PARK7: variants seen among roughly 807,000 people sequenced by gnomAD.
The protein encoded by PARK7 is Parkinson disease protein 7.
PARK7 carries 14 observed loss-of-function variants against 20.5 expected under a neutral mutation model. The observed-to-expected ratio is 0.68, with a 90% CI of 0.45 to 1.07. PARK7 has a LOEUF of 1.07. PARK7 is among the 50% of genes least tolerant of loss of function. The pLI is 0.00. For missense variants in PARK7, 234 were observed against 238.1 expected (o/e 0.98, Z 0.11); for synonymous variants, 98 against 84.3 (o/e 1.16, Z -0.89).
chr1:7,979,444 C>G (rs1640664943), intron 6 of PARK7, among the ~76,000 whole-genome samples: 1 of 152,112 alleles, frequency 6.6e-6, no homozygotes, highest in African/African-American at 2.4e-5. Flanking sequence ...GTTGTACATT[C>G]TACATACAGT....
chr1:7,977,105 G>A (rs1254106552), intron 5 of PARK7, among the ~76,000 whole-genome samples: 1 of 152,194 alleles, frequency 6.6e-6, no homozygotes, highest in Non-Finnish European at 1.5e-5. Context: ...CCTTTAGCAT[G>A]TAACTAAATC....
chr1:7,970,542 T>C (rs1334238255), intron 4 of PARK7, among the ~76,000 whole-genome samples: 1 of 152,188 alleles, frequency 6.6e-6, no homozygotes, highest in Non-Finnish European at 1.5e-5. Context: ...ACAAGGGATC[T>C]TTTCCTGCTA....
chr1:7,970,951 G>T lies in PARK7; in HGVS notation c.310G>T (p.Ala104Ser), dbSNP rs774005786. The T allele has an allele frequency of 8.7e-6, 14 of 1,614,066 alleles. 1 individual carries two copies. In the Admixed American group the frequency reaches 2.0e-4, roughly 23 times the overall value. Residue 104 changes from alanine (A) to serine (S), a missense_variant, in exon 5 of 7, where the codon GCC becomes TCC. Transcript: ENST00000338639. ...GGAAAACCGGAAGGGCCTGATAGCCGCCATCTGTGCAGGTGACGTGCAGGG... is the reference window on the plus strand; with the variant it reads ...GGAAAACCGGAAGGGCCTGATAGCCTCCATCTGTGCAGGTGACGTGCAGGG... ...EQENRKGLIA[A>S]ICAGPTALLA...
rs1298859582 is a variant in PARK7 at position 7,984,982 on chromosome 1, T to C, written c.498T>C (p.Leu166=). 5 of 1,614,202 alleles carry C rather than the reference T, an allele frequency of 3.1e-6. No individual in the cohort carries two copies. The East Asian group carries it at 8.9e-5, about 29-fold the overall frequency. The change falls in exon 7 of 7, where the codon CTT becomes CTC. Residue 166 remains leucine, a synonymous_variant. Coordinates refer to ENST00000338639, the MANE Select transcript of PARK7 (RefSeq NM_007262.5). This position sits in a 1 kb window ranked among gnomAD's most constrained non-coding sequence, Gnocchi z 4.3. The stretch of plus-strand genomic sequence containing the variant: ...CTGGGACCAGCTTCGAGTTTGCGCT[T>C]GCAATTGTTGAAGCCCTGAATGGCA... ...RGPGTSFEFA[L]AIVEALNGKE...
chr1:7,966,617 G>C (rs1640335887), intron 3 of PARK7, among the ~76,000 whole-genome samples: 1 of 152,150 alleles, frequency 6.6e-6, no homozygotes, highest in Admixed American at 6.5e-5. Flanking sequence ...AGGATCACTT[G>C]AGCCTAGACG....
chr1:7,984,709 C>T lies in PARK7; in HGVS notation c.410-185C>T, dbSNP rs983909454. Among the ~76,000 whole-genome samples the T allele has an allele frequency of 6.6e-6, 1 of 152,216 alleles. No homozygotes were observed. The highest frequency in any genetic ancestry group is 1.5e-5 in the Non-Finnish European group (1 of 68,032). On this transcript the variant is annotated intron_variant, in intron 6 of 6. Coordinates refer to ENST00000338639, the MANE Select transcript of PARK7 (RefSeq NM_007262.5). This position sits in a 1 kb window ranked among gnomAD's most constrained non-coding sequence, Gnocchi z 4.3. ...ACAGTGGTTTCTGTCACCCTTTGCT[C>T]TGCACAGTTTTAAAAATACCTTTGT...
chr1:7,970,199 GA>G (rs990999189), intron 4 of PARK7, among the ~76,000 whole-genome samples: 10 of 149,004 alleles, frequency 6.7e-5, no homozygotes, highest in East Asian at 3.9e-4. Flanking sequence ...TGTCTTATCA[GA>G]AAAAAAAAAT....
chr1:7,967,260 A>G (rs987812847), intron 3 of PARK7, among the ~76,000 whole-genome samples: 1 of 152,122 alleles, frequency 6.6e-6, no homozygotes, highest in African/African-American at 2.4e-5. Context: ...ATTCTTTTTT[A>G]TGGCTGGATA....
intron 4 of PARK7, 54 bp from the exon 5 acceptor site, chr1:7,970,825 GTTTCCTAGTGAGTGA>G: frequency 2.7e-6 from 4 of 1,491,772 alleles, no homozygotes; most frequent in Non-Finnish European, 3.7e-6. Context: ...TTCTTCCAAA[GTTTCCTAGTGAGTGA>G]TTGGTTAGTG....
chr1:7,974,357 C>T (rs1489125787), intron 5 of PARK7, among the ~76,000 whole-genome samples: 1 of 151,544 alleles, frequency 6.6e-6, no homozygotes, highest in Non-Finnish European at 1.5e-5. Flanking sequence ...AGGCCAAGGG[C>T]GGTGGCTCAC....
At chr1:7,965,465 T>G (rs186424192) in intron 3 of PARK7, 40 bp downstream of exon 3, 592 of 1,547,690 alleles carry the variant, frequency 3.8e-4, no homozygotes, top group Middle Eastern at 3.4e-4. Context: ...TCATATGGCT[T>G]CTTTGTTTCT....
chr1:7,980,743 G>A (rs1022238184), intron 6 of PARK7, among the ~76,000 whole-genome samples: 1 of 152,222 alleles, frequency 6.6e-6, no homozygotes, highest in Admixed American at 6.5e-5. Flanking sequence ...GAGAGGTAGG[G>A]CTGCAGTCAT....
chr1:7,979,740 G>A (rs1218649263), intron 6 of PARK7, among the ~76,000 whole-genome samples: 1 of 152,144 alleles, frequency 6.6e-6, no homozygotes, highest in Non-Finnish European at 1.5e-5. Flanking sequence ...GGCCTCAAGC[G>A]ATCCTTCTGG....
chr1:7,973,224 A>G (rs1326202179), intron 5 of PARK7, among the ~76,000 whole-genome samples: 1 of 152,200 alleles, frequency 6.6e-6, no homozygotes, highest in Admixed American at 6.5e-5. Context: ...AGTCACCACT[A>G]GCCTTTTGAC....
At chr1:7,979,424 C>G (rs1557450263) in intron 6 of PARK7, among the ~76,000 whole-genome samples, 1 of 152,148 alleles carries the variant, frequency 6.6e-6, no homozygotes, top group Non-Finnish European at 1.5e-5. Flanking sequence ...CATGAGGGTT[C>G]TCTCTTGCTG....
intron 2 of PARK7, among the ~76,000 whole-genome samples, chr1:7,964,618 C>T (rs999697682): frequency 1.3e-5 from 2 of 152,060 alleles, no homozygotes; most frequent in East Asian, 1.9e-4. Flanking sequence ...ATGACTAGGC[C>T]GAAGGATAGC....
chr1:7,967,278 A>G (rs910435558), intron 3 of PARK7, among the ~76,000 whole-genome samples: 26 of 152,270 alleles, frequency 1.7e-4, no homozygotes, highest in East Asian at 5.8e-4. Flanking sequence ...ATAGTATCCC[A>G]TTGTGTATAA....
chr1:7,964,837 A>C (rs1640291582), intron 2 of PARK7, among the ~76,000 whole-genome samples: 1 of 152,232 alleles, frequency 6.6e-6, no homozygotes, highest in Non-Finnish European at 1.5e-5. Context: ...TGGCAACAGT[A>C]AACTTGCAAG....
chr1:7,978,825 G>A (rs1027923988), intron 6 of PARK7, among the ~76,000 whole-genome samples: 1 of 143,564 alleles, frequency 7.0e-6, no homozygotes, highest in Non-Finnish European at 1.5e-5. Context: ...CCAGCCTGGA[G>A]GACAAAGCAA....
Sources: gnomAD v4.1 joint callset for allele counts (sites outside exome capture counted in the v4.1 genomes callset) on GRCh38, gnomAD v4.1.1 for gene constraint, Gnocchi (gnomAD v3.1) non-coding constraint, MANE v1.5 for transcripts, NCBI Gene and HGNC (gene_info 2026-07-23, HGNC 2026-07-21) for gene names.